Variants in RHEX observed in about 807,000 individuals in gnomAD.
The protein encoded by RHEX is regulator of hemoglobinization and erythroid cell expansion.
Under a neutral mutation model 20.1 loss-of-function variants are expected in RHEX, and 18 were observed. The ratio of observed to expected loss-of-function variants is 0.90; its 90% CI spans 0.62 to 1.33. RHEX has a LOEUF of 1.33. RHEX is among the 40% of genes most tolerant of loss of function. The pLI is 0.00. For synonymous variants in RHEX, 87 were observed against 77.1 expected (o/e 1.13, Z -0.67); for missense variants, 192 against 214.3 (o/e 0.90, Z 0.65).
At position 206,099,661 on chromosome 1, in the gene RHEX, A is replaced by C. The variant is rs1553288146; in HGVS notation, c.119A>C (p.Lys40Thr). ...CCTGCCCTCTCCCTTCCAGCCCACA[A>C]GAGTGAACAGATACTGAAAGCGGCC... ...NYLLSRHMAH[K>T]SEQILKAASL... Residue 40 changes from lysine (K) to threonine (T), a missense_variant, in exon 4 of 6, where the codon AAG becomes ACG. By Grantham distance (78) the Lys-to-Thr change is moderately conservative. Transcript: ENST00000331555. The C allele has an allele frequency of 6.2e-7, 1 of 1,613,916 alleles. No homozygotes were observed. Among genetic ancestry groups the C allele is most frequent in the Non-Finnish European group, 8.5e-7 (1 of 1,179,960 alleles).
Position 206,102,164 on chromosome 1 carries a change from C to T in RHEX, c.*212C>T, listed in dbSNP as rs1196052075. 6 of 568,496 alleles carry T rather than the reference C, an allele frequency of 1.1e-5. No homozygotes were observed. Among genetic ancestry groups the T allele is most frequent in the South Asian group, 6.5e-5 (3 of 46,224 alleles). The allele number at this position is 568,496 out of a possible 1,614,324, so 35.2% of individuals were successfully genotyped here. A position where few individuals can be genotyped will look rare whatever the true frequency, so the allele number is the denominator to read the frequency against. ...GTACCCAAAAAAGCTGTTCGTTCCT[C>T]AAAAACAAAAACAAGGCTTGGCTGG... On this transcript the variant is annotated 3_prime_UTR_variant, in exon 6 of 6. Transcript: ENST00000331555.
chr1:206,091,842 CAT>C (rs1227094697), intron 1 of RHEX, among the ~76,000 whole-genome samples: 2 of 151,810 alleles, frequency 1.3e-5, no homozygotes, highest in Non-Finnish European at 2.9e-5. Context: ...TTGATATTAC[CAT>C]ATATATATAC....
chr1:206,094,925 T>C (rs1306508552), intron 1 of RHEX, among the ~76,000 whole-genome samples: 1 of 152,084 alleles, frequency 6.6e-6, no homozygotes, highest in African/African-American at 2.4e-5. Flanking sequence ...ATGGAACATA[T>C]ATCAAATTCA....
chr1:206,094,209 G>C (rs1468737191), intron 1 of RHEX, among the ~76,000 whole-genome samples: 1 of 149,858 alleles, frequency 6.7e-6, no homozygotes, highest in Non-Finnish European at 1.5e-5. Context: ...TCACGTGCAC[G>C]CGCAAATGAG....
At position 206,101,906 on chromosome 1, in the gene RHEX, A is replaced by C. The variant is rs1553288495; in HGVS notation, c.473A>C (p.Asn158Thr). 2 of 1,614,018 alleles carry C rather than the reference A, an allele frequency of 1.2e-6. No homozygotes were observed. Among genetic ancestry groups the C allele is most frequent in the Non-Finnish European group, 1.7e-6 (2 of 1,180,006 alleles). Residue 158 changes from asparagine (N) to threonine (T), a missense_variant, in exon 6 of 6, where the codon AAC becomes ACC. Physicochemically the swap from Asn to Thr is moderately conservative, Grantham distance 65. Coordinates refer to ENST00000331555, the MANE Select transcript of RHEX (RefSeq NM_001007544.4). ...RHKPSFWYFV[N>T]PALSEPAEYD... ...AAGCCCAGTTTCTGGTATTTTGTCA[A>C]CCCTGCTCTGTCTGAGCCAGCGGAA...
At chr1:206,099,915 C>A in intron 4 of RHEX, 117 bp downstream of exon 4, 2 of 889,962 alleles carry the variant, frequency 2.2e-6, no homozygotes, top group Non-Finnish European at 3.5e-6. Context: ...GGATTCCTCA[C>A]AGCCACATCA....
intron 1 of RHEX, among the ~76,000 whole-genome samples, chr1:206,064,177 T>G (rs28533691): frequency 0.28 from 32,047 of 113,426 alleles, 6,171 homozygotes; most frequent in African/African-American, 0.58. Context: ...TCTGAGAAGT[T>G]AGGAGCCTCT....
intron 1 of RHEX, among the ~76,000 whole-genome samples, chr1:206,092,932 C>T (rs1398360005): frequency 6.6e-6 from 1 of 152,152 alleles, no homozygotes; most frequent in Non-Finnish European, 1.5e-5. Context: ...CGCCTTACTT[C>T]ACCCCAGCCT....
chr1:206,070,583 TTAA>T (rs1253240557), intron 1 of RHEX, among the ~76,000 whole-genome samples: 3 of 152,254 alleles, frequency 2.0e-5, no homozygotes, highest in African/African-American at 7.2e-5. Flanking sequence ...ACTTGCTCTC[TTAA>T]TGTTTCTACT....
intron 1 of RHEX, chr1:206,060,922 T>C (rs1234918856): frequency 6.6e-6 from 1 of 152,084 alleles, no homozygotes; most frequent in Non-Finnish European, 1.5e-5. Context: ...TGGGGCAGTC[T>C]TGTCGGGGAG....
intron 1 of RHEX, among the ~76,000 whole-genome samples, chr1:206,089,544 C>CAAA: frequency 6.6e-6 from 1 of 152,142 alleles, no homozygotes; most frequent in African/African-American, 2.4e-5. Context: ...TCCCATTTTT[C>CAAA]ACTTTTATAA....
intron 1 of RHEX, among the ~76,000 whole-genome samples, chr1:206,082,378 T>A (rs1355374512): frequency 1.3e-5 from 2 of 151,732 alleles, no homozygotes; most frequent in Non-Finnish European, 2.9e-5. Flanking sequence ...ATTAGCCAGG[T>A]GTGGTGGCAC....
At chr1:206,094,676 C>A (rs1281866415) in intron 1 of RHEX, among the ~76,000 whole-genome samples, 8 of 152,088 alleles carry the variant, frequency 5.3e-5, no homozygotes, top group African/African-American at 1.9e-4. Context: ...TGTTGGACGT[C>A]CGTATTATTT....
At chr1:206,101,294 G>A in intron 5 of RHEX, 97 bp downstream of exon 5, 1 of 971,742 alleles carries the variant, frequency 1.0e-6, no homozygotes, top group Non-Finnish European at 1.6e-6. Context: ...CTATGTAGTG[G>A]GAGCAAGAAA....
intron 1 of RHEX, among the ~76,000 whole-genome samples, chr1:206,095,836 A>AT (rs554363894): frequency 0.065 from 9,586 of 146,926 alleles, 963 homozygotes; most frequent in African/African-American, 0.22. Context: ...ATTTGGGGTA[A>AT]TTTTTTTTTT....
intron 1 of RHEX, among the ~76,000 whole-genome samples, chr1:206,092,729 G>A (rs1344144983): frequency 1.3e-5 from 2 of 151,714 alleles, no homozygotes; most frequent in African/African-American, 4.8e-5. Flanking sequence ...AATCCCTTCT[G>A]TTTCTGAGAT....
chr1:206,064,644 G>T (rs1662384662), intron 1 of RHEX, among the ~76,000 whole-genome samples: 1 of 148,966 alleles, frequency 6.7e-6, no homozygotes, highest in South Asian at 2.1e-4. Context: ...CCCCGTCCCG[G>T]GGGGAGGTGG....
At chr1:206,064,291 G>A (rs550990798) in intron 1 of RHEX, among the ~76,000 whole-genome samples, 60 of 134,498 alleles carry the variant, frequency 4.5e-4, no homozygotes, top group African/African-American at 1.6e-3. Context: ...CCGGCCAGCC[G>A]CCCCGTCCGG....
At chr1:206,092,518 G>C (rs1486549747) in intron 1 of RHEX, among the ~76,000 whole-genome samples, 2 of 152,120 alleles carry the variant, frequency 1.3e-5, no homozygotes, top group African/African-American at 4.8e-5. Flanking sequence ...TAGATACCAT[G>C]CTCCTTCCTA....
Sources: gnomAD v4.1 joint callset for allele counts (sites outside exome capture counted in the v4.1 genomes callset) on GRCh38, gnomAD v4.1.1 for gene constraint, MANE v1.5 for transcripts, NCBI Gene and HGNC (gene_info 2026-07-23, HGNC 2026-07-21) for gene names.